Variants in CACNB3 observed in about 807,000 individuals in gnomAD.
CACNB3 encodes voltage-dependent L-type calcium channel subunit beta-3.
A neutral mutation model predicts 63.7 loss-of-function variants in CACNB3; 36 were observed. The observed-to-expected ratio is 0.57, with a 90% CI of 0.43 to 0.75. The LOEUF (loss-of-function observed/expected upper bound fraction) is 0.75, where lower values mean the gene tolerates loss of function less well. Ranked by LOEUF, CACNB3 falls within the 30% of genes least tolerant of loss-of-function variation. The pLI is 0.00. For missense variants in CACNB3, 493 were observed against 648.6 expected (o/e 0.76, Z 2.61); for synonymous variants, 241 against 250.6 (o/e 0.96, Z 0.36).
chr12:48,817,656 G>A (rs1446718262), upstream of CACNB3, among the ~76,000 whole-genome samples: 2 of 152,194 alleles, frequency 1.3e-5, no homozygotes, highest in Non-Finnish European at 2.9e-5. Flanking sequence ...TCCTGTAAAG[G>A]AGACTGAGTG....
chr12:48,822,776 C>T (rs1937922104), intron 1 of CACNB3, among the ~76,000 whole-genome samples: 1 of 152,194 alleles, frequency 6.6e-6, no homozygotes, highest in Non-Finnish European at 1.5e-5. Flanking sequence ...AAGGGCTCAC[C>T]ATTTGGGAGC....
In CACNB3 at chr12:48,827,114, C is replaced by T. The variant is rs17854164; in HGVS notation, c.1131C>T (p.Pro377=). Residue 377 remains proline, a synonymous_variant, in exon 12 of 13, where the codon CCC becomes CCT. Transcript: ENST00000301050. Reference sequence around the variant, plus strand: ...TTCTGGGTCCTCCCAGTGCCATCCCCGGACTTCAGGTAACCATTTCCAGTG... The same window carrying T: ...TTCTGGGTCCTCCCAGTGCCATCCCTGGACTTCAGGTAACCATTTCCAGTG... ...PGLLGPPSAI[P]GLQNQQLLGE... 2.0e-4 allele frequency: 322 copies of T among 1,612,336 alleles called. No homozygotes were observed. Among genetic ancestry groups the T allele is most frequent in the Non-Finnish European group, 2.6e-4 (305 of 1,180,018 alleles).
rs528315430 is a variant in CACNB3 at position 48,823,193 on chromosome 12, T to A, written c.46-151T>A. The A allele has an allele frequency of 2.3e-5, 22 of 944,554 alleles. No homozygotes were observed. Among genetic ancestry groups the A allele is most frequent in the Non-Finnish European group, 3.3e-5 (21 of 637,108 alleles). 58.5% of individuals were successfully genotyped at this position (944,554 alleles called of 1,614,324 possible). ...AGCCTCAGAGGCACTGGGGCCCTTC[T>A]CAGGGGATAGGAGGGGCCATAGGGA... is the stretch of plus-strand genomic sequence containing the variant. On this transcript the variant is annotated intron_variant, in intron 1 of 12. Coordinates refer to ENST00000301050, the MANE Select transcript of CACNB3 (RefSeq NM_000725.4). This position sits in a 1 kb window ranked among gnomAD's most constrained non-coding sequence, Gnocchi z 4.2.
chr12:48,822,583 C>T (rs987491623), intron 1 of CACNB3, among the ~76,000 whole-genome samples: 2 of 152,154 alleles, frequency 1.3e-5, no homozygotes, highest in Non-Finnish European at 2.9e-5. Flanking sequence ...TAGGTGTGGC[C>T]CAGCCTCACC....
Position 48,825,940 on chromosome 12 carries a change from C to T in CACNB3, c.742+171C>T, listed in dbSNP as rs1164719937. Among the ~76,000 whole-genome samples, 1 of 152,092 alleles carries T rather than the reference C, an allele frequency of 6.6e-6. No homozygotes were observed. Among genetic ancestry groups the T allele is most frequent in the African/African-American group, 2.4e-5 (1 of 41,408 alleles). ...ACCTCCTGGGTTCAAGCGATCTTCC[C>T]ATCTCAGCCTCCTGAGTAGCCGGGA... On this transcript the variant is annotated intron_variant, in intron 9 of 12. Coordinates refer to ENST00000301050, the MANE Select transcript of CACNB3 (RefSeq NM_000725.4). This position sits in a 1 kb window ranked among gnomAD's most constrained non-coding sequence, Gnocchi z 4.5.
chr12:48,822,855 G>A (rs1416945120), intron 1 of CACNB3, among the ~76,000 whole-genome samples: 1 of 152,154 alleles, frequency 6.6e-6, no homozygotes, highest in African/African-American at 2.4e-5. Context: ...CCACATTCAG[G>A]ACTGGTGCTG....
At chr12:48,819,715 G>A (rs777800291) in intron 1 of CACNB3, 1 of 454,290 alleles carries the variant, frequency 2.2e-6, no homozygotes, top group South Asian at 1.6e-5. Flanking sequence ...GGCCAGAGGA[G>A]CTGAGGGCCT....
Position 48,824,987 on chromosome 12 carries a change from C to G in CACNB3, c.492+19C>G, listed in dbSNP as rs1938050757. 2 of 1,610,484 alleles carry G rather than the reference C, an allele frequency of 1.2e-6. No homozygotes were observed. Among genetic ancestry groups the G allele is most frequent in the Admixed American group, 3.4e-5 (2 of 59,476 alleles). On this transcript the variant is annotated intron_variant, in intron 6 of 12. Transcript: ENST00000301050. Reference sequence around the variant, plus strand: ...AAAGCAGGTGAGTCAAGGAAGGGACCTGGGCTGGGGGGATCATGGCTTATG... The same window carrying G: ...AAAGCAGGTGAGTCAAGGAAGGGACGTGGGCTGGGGGGATCATGGCTTATG...
At chr12:48,824,473 A>C in intron 4 of CACNB3, 100 bp downstream of exon 4, 1 of 1,132,272 alleles carries the variant, frequency 8.8e-7, no homozygotes, top group Non-Finnish European at 1.3e-6. Context: ...TATCCCCCTG[A>C]AATACACATA....
At chr12:48,815,573 C>A (rs1191086219), upstream of CACNB3, 5 of 1,489,542 alleles carry the variant, frequency 3.4e-6, no homozygotes, top group African/African-American at 7.2e-5. Context: ...GCCCGGCGGG[C>A]GTGGGGCGAG....
chr12:48,819,514 C>G (rs774709143), intron 1 of CACNB3: 13 of 327,566 alleles, frequency 4.0e-5, no homozygotes, highest in Non-Finnish European at 6.1e-5. Flanking sequence ...CTTCCACCCC[C>G]TCCATCTCTG....
rs199655801 is a variant in CACNB3 at position 48,825,127 on chromosome 12, G to A, written c.493-36G>A. 427 of 1,609,740 alleles carry A rather than the reference G, an allele frequency of 2.7e-4. No individual in the cohort carries two copies. Among genetic ancestry groups the A allele is most frequent in the Non-Finnish European group, 3.2e-4 (382 of 1,176,102 alleles). ...AACCAGGCATGAGACAGGCACCAGGGCCATGGTTTCTACTGACCTCATGTC... is the reference window on the plus strand; with the variant it reads ...AACCAGGCATGAGACAGGCACCAGGACCATGGTTTCTACTGACCTCATGTC... On this transcript the variant is annotated intron_variant, in intron 6 of 12. Transcript: ENST00000301050. This position sits in a 1 kb window ranked among gnomAD's most constrained non-coding sequence, Gnocchi z 4.5.
At position 48,818,536 on chromosome 12, in the gene CACNB3, G is replaced by T; in HGVS notation, c.-394G>T. 1 of 1,020,402 alleles carries T rather than the reference G, an allele frequency of 9.8e-7. No individual in the cohort carries two copies. The allele number at this position is 1,020,402 out of a possible 1,614,324, so 63.2% of individuals were successfully genotyped here. ...CGCCACGGCCCCGTAGGTGCTCGGG[G>T]ACCCACCTTCCACCTAGCACGGGTT... On this transcript the variant is annotated 5_prime_UTR_variant, in exon 1 of 13. Coordinates refer to ENST00000301050, the MANE Select transcript of CACNB3 (RefSeq NM_000725.4). This position sits in a 1 kb window ranked among gnomAD's most constrained non-coding sequence, Gnocchi z 4.3.
In CACNB3 at chr12:48,824,381, T is replaced by G; in HGVS notation, c.407+8T>G. 1 of 1,596,294 alleles carries G rather than the reference T, an allele frequency of 6.3e-7. No individual in the cohort carries two copies. The highest frequency in any genetic ancestry group is 8.5e-7 in the Non-Finnish European group (1 of 1,171,802). On this transcript the variant is annotated splice_region_variant and intron_variant, in intron 4 of 12. Coordinates refer to ENST00000301050, the MANE Select transcript of CACNB3 (RefSeq NM_000725.4). ...ACAGGAGCAGAAGGCCAGGTGAGAG[T>G]TGGGCCATGAGTCAGTAAACACACC...
Position 48,818,640 on chromosome 12 carries a change from G to A in CACNB3, c.-290G>A, listed in dbSNP as rs1229306617. ...CGCCCCCGCCTTCTCCCGGGGAGGG[G>A]GTCAGGTGGGCGGGCACTATTGTTG... On this transcript the variant is annotated 5_prime_UTR_variant, in exon 1 of 13. Coordinates refer to ENST00000301050, the MANE Select transcript of CACNB3 (RefSeq NM_000725.4). The surrounding 1 kb of genome is among the most constrained non-coding windows in gnomAD (Gnocchi z 4.3). 2 of 1,146,614 alleles carry A rather than the reference G, an allele frequency of 1.7e-6. No individual in the cohort carries two copies. Among genetic ancestry groups the A allele is most frequent in the Non-Finnish European group, 2.1e-6 (2 of 934,154 alleles). The allele number at this position is 1,146,614 out of a possible 1,614,324, so 71.0% of individuals were successfully genotyped here. A position where few individuals can be genotyped will look rare whatever the true frequency, so the allele number is the denominator to read the frequency against.
intron 1 of CACNB3, among the ~76,000 whole-genome samples, chr12:48,822,193 T>A (rs1449852312): frequency 1.3e-5 from 2 of 152,116 alleles, no homozygotes; most frequent in African/African-American, 4.8e-5. Flanking sequence ...CATCTCAGAA[T>A]TGTGGGAAGT....
rs891600784 is a variant in CACNB3, at chr12:48,826,707, T to A, written c.895-52T>A. The A allele has an allele frequency of 7.2e-6, 11 of 1,524,580 alleles. No homozygotes were observed. The highest frequency in any genetic ancestry group is 1.0e-5 in the Non-Finnish European group (11 of 1,099,184). 94.4% of individuals were successfully genotyped at this position (1,524,580 alleles called of 1,614,324 possible). A position where few individuals can be genotyped will look rare whatever the true frequency, so the allele number is the denominator to read the frequency against. The stretch of plus-strand genomic sequence containing the variant: ...ATGCCTAGCTCTGCCCGGGCTCAGC[T>A]CTGCCCAGAGTCCTGAGAGACTCCA... On this transcript the variant is annotated intron_variant, in intron 10 of 12. Transcript: ENST00000301050. This position sits in a 1 kb window ranked among gnomAD's most constrained non-coding sequence, Gnocchi z 4.8.
chr12:48,818,992 G>C lies in CACNB3; in HGVS notation c.45+18G>C, dbSNP rs375863495. 39 of 1,601,828 alleles carry C rather than the reference G, an allele frequency of 2.4e-5. No homozygotes were observed. In the African/African-American group the frequency reaches 3.6e-4, roughly 15 times the overall value. On this transcript the variant is annotated intron_variant, in intron 1 of 12. Transcript: ENST00000301050. This position sits in a 1 kb window ranked among gnomAD's most constrained non-coding sequence, Gnocchi z 4.3. ...CGGAGGCGGTGAGTGCCCACGATGA[G>C]GGTGGGGGCGGGGAAGTTGGGGTGA...
Position 48,823,420 on chromosome 12 carries a change from G to C in CACNB3, c.122G>C (p.Arg41Pro), listed in dbSNP as rs568273404. The C allele has an allele frequency of 1.2e-6, 2 of 1,614,128 alleles. No individual in the cohort carries two copies. The highest frequency in any genetic ancestry group is 1.7e-6 in the Non-Finnish European group (2 of 1,179,994). ...VSLEEDRESA[R>P]REVESQAQQQ... ...CTGGAGGAGGACCGGGAGAGTGCCC[G>C]GCGTGAAGTAGAGAGCCAGGCTCAG... Residue 41 changes from arginine to proline, a missense_variant, in exon 2 of 13, where the codon CGG (arginine) becomes CCG (proline). Physicochemically the swap from Arg to Pro is moderately radical, Grantham distance 103 (BLOSUM62 -2). Transcript: ENST00000301050. This position sits in a 1 kb window ranked among gnomAD's most constrained non-coding sequence, Gnocchi z 4.2.
Sources: allele counts gnomAD v4.1 joint callset (sites outside exome capture counted in the v4.1 genomes callset), GRCh38; gene constraint gnomAD v4.1.1; non-coding constraint Gnocchi (gnomAD v3.1); transcripts MANE v1.5; gene names NCBI Gene and HGNC (gene_info 2026-07-23, HGNC 2026-07-21).